SIPA1L1: variants seen among roughly 807,000 people sequenced by gnomAD.
SIPA1L1 encodes the protein signal induced proliferation associated 1 like 1.
Under a neutral mutation model 162.7 loss-of-function variants are expected in SIPA1L1, and 26 were observed. The ratio of observed to expected loss-of-function variants is 0.16; its 90% CI spans 0.12 to 0.22. The LOEUF (loss-of-function observed/expected upper bound fraction) is 0.22, where lower values mean the gene tolerates loss of function less well. Among genes scored for constraint, SIPA1L1 ranks in the 10% least tolerant of loss-of-function variants. SIPA1L1 has a pLI of 1.00. For synonymous variants in SIPA1L1, 829 were observed against 837.4 expected (o/e 0.99, Z 0.17); for missense variants, 1,874 against 2,241.0 (o/e 0.84, Z 3.31).
At chr14:71,591,718 A>C (rs147187437) in intron 5 of SIPA1L1, among the ~76,000 whole-genome samples, 5 of 152,334 alleles carry the variant, frequency 3.3e-5, no homozygotes, top group Non-Finnish European at 2.9e-5. Flanking sequence ...TTTCTTTGAC[A>C]ATGATTCTAC....
At chr14:71,386,982 C>T (rs2040374038) in intron 2 of SIPA1L1, among the ~76,000 whole-genome samples, 1 of 152,192 alleles carries the variant, frequency 6.6e-6, no homozygotes, top group African/African-American at 2.4e-5. Context: ...GGCGCAGTGG[C>T]TCACGCCTGT....
At position 71,671,668 on chromosome 14, in the gene SIPA1L1, C is replaced by T. The variant is rs138367302; in HGVS notation, c.2805C>T (p.Ile935=). ...SVGSFINIEE[I]KEIVKRLQFV... ...GTAGTTTTATTAACATTGAGGAGAT[C>T]AAAGAGATTGTCAAAAGGTTGCAGG... is the stretch of plus-strand genomic sequence containing the variant. Residue 935 remains isoleucine, a synonymous_variant, in exon 11 of 24, where the codon ATC becomes ATT. Transcript: ENST00000381232. 1.9e-4 allele frequency: 308 copies of T among 1,602,346 alleles called. No individual in the cohort carries two copies. The African/African-American group carries it at 3.6e-3, about 19-fold the overall frequency.
rs778970264 is a variant in SIPA1L1, at chr14:71,735,284, A to G, written c.5016A>G (p.Arg1672=). 2 of 1,611,642 alleles carry G rather than the reference A, an allele frequency of 1.2e-6. No individual in the cohort carries two copies. The highest frequency in any genetic ancestry group is 8.5e-7 in the Non-Finnish European group (1 of 1,177,844). ...TTCTTCTCTCCTTTCCAGTCCAGAG[A>G]GCCTCATTTTTTGCTGCTAGTGATG... ...VDAAKAYEVQ[R]ASFFAASDEN... Residue 1672 remains arginine, a synonymous_variant, in exon 22 of 24, where the codon AGA becomes AGG. Transcript: ENST00000381232.
chr14:71,710,651 T>C (rs1384661395), intron 17 of SIPA1L1, among the ~76,000 whole-genome samples: 1 of 151,622 alleles, frequency 6.6e-6, no homozygotes, highest in East Asian at 1.9e-4. Context: ...CTACTAAAAG[T>C]ACAGAAATTA....
At chr14:71,476,872 G>A (rs371465896) in intron 2 of SIPA1L1, among the ~76,000 whole-genome samples, 17 of 151,862 alleles carry the variant, frequency 1.1e-4, no homozygotes, top group South Asian at 8.3e-4. Flanking sequence ...TAAGAGAGAC[G>A]GGTTTTCACC....
intron 5 of SIPA1L1, among the ~76,000 whole-genome samples, chr14:71,594,659 ATGAAT>A (rs1192072958): frequency 1.3e-5 from 2 of 152,234 alleles, no homozygotes; most frequent in African/African-American, 4.8e-5. Context: ...TTCTGCCAAA[ATGAAT>A]TGAATGGTGA....
intron 17 of SIPA1L1, among the ~76,000 whole-genome samples, chr14:71,719,652 C>A (rs2083541806): frequency 6.6e-6 from 1 of 152,176 alleles, no homozygotes; most frequent in Non-Finnish European, 1.5e-5. Flanking sequence ...CACCACCACA[C>A]CCAGCTATTT....
chr14:71,617,907 C>CATCT lies in SIPA1L1; in HGVS notation c.1499-849_1499-846dup, dbSNP rs1180146118. On this transcript the variant is annotated intron_variant, in intron 5 of 23. Coordinates refer to ENST00000381232, the MANE Select transcript of SIPA1L1 (RefSeq NM_001386936.1). ...TTTTGTGGACTTCCTCATCTGTGAACATCTCATGTATGTATCAACAGTTTA... is the reference window on the plus strand; with the variant it reads ...TTTTGTGGACTTCCTCATCTGTGAACATCTATCTCATGTATGTATCAACAGTTTA... Among the ~76,000 whole-genome samples the CATCT allele has an allele frequency of 2.6e-5, 4 of 152,258 alleles. No homozygotes were observed. In the East Asian group the frequency reaches 7.7e-4, roughly 29 times the overall value.
chr14:71,628,272 A>G (rs1422819630), intron 7 of SIPA1L1, among the ~76,000 whole-genome samples: 3 of 152,212 alleles, frequency 2.0e-5, no homozygotes, highest in Admixed American at 1.3e-4. Context: ...AAAAATACCT[A>G]TATTTCATCT....
chr14:71,564,490 CT>C (rs370431365), intron 4 of SIPA1L1, among the ~76,000 whole-genome samples: 15 of 97,810 alleles, frequency 1.5e-4, no homozygotes, highest in Admixed American at 2.7e-4. Context: ...CATTTTCTTT[CT>C]TTTTTTTTTT....
chr14:71,566,184 A>G lies in SIPA1L1; in HGVS notation c.-302-21387A>G, dbSNP rs775213464. On this transcript the variant is annotated intron_variant, in intron 4 of 23. Coordinates refer to ENST00000381232, the MANE Select transcript of SIPA1L1 (RefSeq NM_001386936.1). ...ACGGTATATTAGAAAATATGATCAC[A>G]TGAATGATCTTAGTCACAAAATAAA... 9.8e-5 allele frequency among the ~76,000 whole-genome samples: 15 copies of G among 152,304 alleles called. No homozygotes were observed. In the South Asian group the frequency reaches 2.9e-3, roughly 29 times the overall value.
intron 12 of SIPA1L1, among the ~76,000 whole-genome samples, chr14:71,682,808 A>T (rs1477020496): frequency 6.6e-6 from 1 of 152,212 alleles, no homozygotes; most frequent in Non-Finnish European, 1.5e-5. Context: ...TACCATTATC[A>T]TTATTTATTT....
intron 16 of SIPA1L1, among the ~76,000 whole-genome samples, chr14:71,705,839 A>G (rs1289564532): frequency 1.3e-5 from 2 of 151,964 alleles, no homozygotes; most frequent in Non-Finnish European, 2.9e-5. Flanking sequence ...TCCTTTCGCT[A>G]TAGTAATACA....
chr14:71,324,445 C>A (rs1000750018), intron 2 of SIPA1L1, among the ~76,000 whole-genome samples: 4 of 152,136 alleles, frequency 2.6e-5, no homozygotes, highest in African/African-American at 9.7e-5. Flanking sequence ...CTTTCTCCCC[C>A]CACTTAAGAG....
intron 2 of SIPA1L1, among the ~76,000 whole-genome samples, chr14:71,454,412 A>G (rs1469117334): frequency 6.6e-6 from 1 of 152,228 alleles, no homozygotes; most frequent in Non-Finnish European, 1.5e-5. Flanking sequence ...TGAATCTCAG[A>G]TAAAGGACTA....
At chr14:71,611,569 CT>C (rs1366123669) in intron 5 of SIPA1L1, among the ~76,000 whole-genome samples, 3 of 146,562 alleles carry the variant, frequency 2.0e-5, no homozygotes, top group African/African-American at 8.3e-5. Flanking sequence ...CCCCCACCCC[CT>C]GACAGGCCCC....
At chr14:71,509,292 T>G (rs2050922044) in intron 2 of SIPA1L1, among the ~76,000 whole-genome samples, 1 of 152,208 alleles carries the variant, frequency 6.6e-6, no homozygotes, top group Admixed American at 6.5e-5. Flanking sequence ...AAAAGGTAAA[T>G]TTTTAGGTTG....
chr14:71,672,743 G>C (rs991932676), intron 12 of SIPA1L1, 121 bp downstream of exon 12: 4 of 1,083,450 alleles, frequency 3.7e-6, no homozygotes, highest in Admixed American at 5.1e-5. Flanking sequence ...TACATGTGAT[G>C]CTGAATGTTT....
At chr14:71,543,810 TATATGTATGTGTATATATACATATATC>T (rs572565213) in intron 4 of SIPA1L1, among the ~76,000 whole-genome samples, 50 of 149,840 alleles carry the variant, frequency 3.3e-4, no homozygotes, top group South Asian at 8.4e-4. Flanking sequence ...ATAATGTATG[TATATGTATGTGTATATATACATATATC>T]ATATGTATGT....
Sources: gnomAD v4.1 joint callset for allele counts (sites outside exome capture counted in the v4.1 genomes callset) on GRCh38, gnomAD v4.1.1 for gene constraint, MANE v1.5 for transcripts, NCBI Gene and HGNC (gene_info 2026-07-23, HGNC 2026-07-21) for gene names.